Variants in CRACDL observed in about 807,000 individuals in gnomAD.
The protein encoded by CRACDL is CRACD like, also known as CRACD-like protein.
A neutral mutation model predicts 70.6 loss-of-function variants in CRACDL; 26 were observed. The ratio of observed to expected loss-of-function variants is 0.37; its 90% CI spans 0.27 to 0.51. The LOEUF is 0.51. Among genes scored for constraint, CRACDL ranks in the 20% least tolerant of loss-of-function variants. The pLI is 0.94. For missense variants in CRACDL, 1,283 were observed against 1,376.9 expected (o/e 0.93, Z 1.08); for synonymous variants, 618 against 615.2 (o/e 1.00, Z -0.07).
At position 98,796,229 on chromosome 2, in the gene CRACDL, C is replaced by T; in HGVS notation, c.2640G>A (p.Lys880=). Residue 880 remains lysine, a synonymous_variant, in exon 9 of 10, where the codon AAG becomes AAA. Coordinates refer to ENST00000397899, the MANE Select transcript of CRACDL (RefSeq NM_207362.3). ...PVKQADFVRS[K]SFLITPVKPA... Reference sequence around the variant, plus strand: ...GCTTCACAGGGGTTATCAGGAAAGACTTGCTGCGAACAAAGTCAGCTTGCT... The same window carrying T: ...GCTTCACAGGGGTTATCAGGAAAGATTTGCTGCGAACAAAGTCAGCTTGCT... 1 of 1,614,202 alleles carries T rather than the reference C, an allele frequency of 6.2e-7. No homozygotes were observed. The highest frequency in any genetic ancestry group is 8.5e-7 in the Non-Finnish European group (1 of 1,180,014).
At chr2:98,922,864 T>C (rs1042513530) in intron 1 of CRACDL, among the ~76,000 whole-genome samples, 5 of 152,206 alleles carry the variant, frequency 3.3e-5, no homozygotes, top group Non-Finnish European at 7.4e-5. Flanking sequence ...GGCTAGCCGA[T>C]GCTTAGGGTT....
chr2:98,912,254 C>G (rs968642741), intron 1 of CRACDL, among the ~76,000 whole-genome samples: 1 of 152,212 alleles, frequency 6.6e-6, no homozygotes, highest in Non-Finnish European at 1.5e-5. Context: ...AAAGGCAGTT[C>G]GCAAAGAGTG....
intron 1 of CRACDL, among the ~76,000 whole-genome samples, chr2:98,881,241 G>A (rs1707643014): frequency 2.0e-5 from 3 of 152,314 alleles, no homozygotes; most frequent in South Asian, 2.1e-4. Context: ...CGGAGGGAAC[G>A]CTGGTACCCC....
intron 1 of CRACDL, among the ~76,000 whole-genome samples, chr2:98,888,093 A>C (rs1707845173): frequency 6.6e-6 from 1 of 152,240 alleles, no homozygotes; most frequent in Non-Finnish European, 1.5e-5. Flanking sequence ...TTTTAAAAGA[A>C]GGGAAAATTA....
chr2:98,794,459 C>T lies in CRACDL; in HGVS notation c.*73G>A. The stretch of plus-strand genomic sequence containing the variant: ...TCTTTAAGTTTCACAGTTTGTTTGC[C>T]ACAATACACTGGCAGTTTTTAACTA... On this transcript the variant is annotated 3_prime_UTR_variant, in exon 10 of 10. Transcript: ENST00000397899. 1.5e-6 allele frequency: 2 copies of T among 1,324,622 alleles called. No homozygotes were observed. The highest frequency in any genetic ancestry group is 1.3e-5 in the South Asian group (1 of 76,450). 82.1% of individuals were successfully genotyped at this position (1,324,622 alleles called of 1,614,324 possible).
chr2:98,850,548 C>T (rs953648219), intron 1 of CRACDL, among the ~76,000 whole-genome samples: 1 of 152,214 alleles, frequency 6.6e-6, no homozygotes, highest in African/African-American at 2.4e-5. Flanking sequence ...CAAGTCAGGC[C>T]ACCTCAGTGT....
At chr2:98,893,315 G>T (rs570916049) in intron 1 of CRACDL, among the ~76,000 whole-genome samples, 1 of 151,718 alleles carries the variant, frequency 6.6e-6, no homozygotes, top group African/African-American at 2.4e-5. Context: ...GACGAGTCTC[G>T]CTCTGTTGCC....
At chr2:98,803,374 A>T (rs72958645) in intron 7 of CRACDL, among the ~76,000 whole-genome samples, 260 of 152,154 alleles carry the variant, frequency 1.7e-3, no homozygotes, top group African/African-American at 6.0e-3. Context: ...CTGGTCTCCA[A>T]TGATCTTCTC....
At chr2:98,922,608 A>G (rs1708830621) in intron 1 of CRACDL, among the ~76,000 whole-genome samples, 1 of 152,186 alleles carries the variant, frequency 6.6e-6, no homozygotes, top group Non-Finnish European at 1.5e-5. Flanking sequence ...TCCCCAGGGA[A>G]GACCAGCTCA....
chr2:98,804,152 G>A (rs1332275540), intron 7 of CRACDL, among the ~76,000 whole-genome samples: 3 of 152,234 alleles, frequency 2.0e-5, no homozygotes, highest in Non-Finnish European at 4.4e-5. Flanking sequence ...AACTCAGGGT[G>A]GTAATGCTCA....
In CRACDL at chr2:98,832,944, A is replaced by C; in HGVS notation, c.293T>G (p.Ile98Ser). 1 of 1,614,128 alleles carries C rather than the reference A, an allele frequency of 6.2e-7. No individual in the cohort carries two copies. The highest frequency in any genetic ancestry group is 1.1e-5 in the South Asian group (1 of 91,078). The change falls in exon 4 of 10, where the codon ATT (isoleucine) becomes AGT (serine). Residue 98 changes from isoleucine (I) to serine (S), a missense_variant. Around this residue, in one of 2 missense-constraint regions of CRACDL, gnomAD observed 362 missense variants for 495.0 expected, o/e 0.73. Coordinates refer to ENST00000397899, the MANE Select transcript of CRACDL (RefSeq NM_207362.3). ...SRALSHDSIF[I>S]PESGQDATRP... ...AGTAGCGTCCTGTCCGGACTCAGGA[A>C]TGAAAATACTGTCGTGAGAAAGGGC...
intron 1 of CRACDL, among the ~76,000 whole-genome samples, chr2:98,849,668 C>T (rs1244378454): frequency 1.3e-5 from 2 of 151,990 alleles, no homozygotes; most frequent in Non-Finnish European, 2.9e-5. Flanking sequence ...CCCCAGACCA[C>T]CAAGACCACC....
intron 2 of CRACDL, 46 bp downstream of exon 2, chr2:98,846,685 C>T: frequency 6.5e-7 from 1 of 1,537,660 alleles, no homozygotes; most frequent in Non-Finnish European, 9.0e-7. Flanking sequence ...CCCTGCCCCA[C>T]AACAAAGCAA....
In CRACDL at chr2:98,794,520, C is replaced by T. The variant is rs1175279677; in HGVS notation, c.*12G>A. 4.0e-5 allele frequency: 65 copies of T among 1,612,936 alleles called. No individual in the cohort carries two copies. Among genetic ancestry groups the T allele is most frequent in the Non-Finnish European group, 5.1e-5 (60 of 1,179,224 alleles). ...CAGGGTAGTGGACATGCTTTATCAGCACACTGCCCACCTATTTTATAATCT... is the reference window on the plus strand; with the variant it reads ...CAGGGTAGTGGACATGCTTTATCAGTACACTGCCCACCTATTTTATAATCT... On this transcript the variant is annotated 3_prime_UTR_variant, in exon 10 of 10. Coordinates refer to ENST00000397899, the MANE Select transcript of CRACDL (RefSeq NM_207362.3).
intron 1 of CRACDL, chr2:98,869,163 C>T (rs1006836888): frequency 3.1e-6 from 4 of 1,304,242 alleles, no homozygotes; most frequent in Admixed American, 2.3e-5. Context: ...CTCCTGGAAG[C>T]TAGCAGCAGG....
At chr2:98,919,552 C>T (rs1708750296) in intron 1 of CRACDL, among the ~76,000 whole-genome samples, 1 of 152,050 alleles carries the variant, frequency 6.6e-6, no homozygotes, top group Non-Finnish European at 1.5e-5. Context: ...ATTTTTAGCA[C>T]TTCAATGATT....
chr2:98,822,849 T>C lies in CRACDL; in HGVS notation c.1424A>G (p.Glu475Gly). The C allele has an allele frequency of 2.1e-6, 3 of 1,446,162 alleles. No homozygotes were observed. The South Asian group carries it at 4.3e-5, about 21-fold the overall frequency. The allele number at this position is 1,446,162 out of a possible 1,614,324, so 89.6% of individuals were successfully genotyped here. ...GGGCTCGGTCCCAATTCTCTCGGGC[T>C]CGGTCCCCGCTCCTCTCTCGGGCTC... ...ETEPERGAGT[E>G]PERIGTEPST... The change falls in exon 7 of 10, where the codon GAG (glutamate) becomes GGG (glycine). Residue 475 changes from glutamate (E) to glycine (G), a missense_variant. Transcript: ENST00000397899. The surrounding 1 kb of genome is among the most constrained non-coding windows in gnomAD (Gnocchi z 4.9).
intron 1 of CRACDL, among the ~76,000 whole-genome samples, chr2:98,861,407 A>G (rs991116136): frequency 1.3e-5 from 2 of 152,174 alleles, no homozygotes; most frequent in African/African-American, 4.8e-5. Flanking sequence ...TAGAATGACT[A>G]TAATAAAAGA....
At chr2:98,910,586 C>T (rs1293523270) in intron 1 of CRACDL, among the ~76,000 whole-genome samples, 5 of 151,968 alleles carry the variant, frequency 3.3e-5, no homozygotes, top group African/African-American at 1.2e-4. Context: ...GTTTCCCAGC[C>T]ACTGTTTTGA....
Sources: allele counts gnomAD v4.1 joint callset (sites outside exome capture counted in the v4.1 genomes callset), GRCh38; gene constraint gnomAD v4.1.1; regional missense constraint gnomAD v4.1.1; non-coding constraint Gnocchi (gnomAD v3.1); transcripts MANE v1.5; gene names NCBI Gene and HGNC (gene_info 2026-07-23, HGNC 2026-07-21).